Variants in PDE4B observed in about 807,000 individuals in gnomAD.
PDE4B encodes the protein 3',5'-cyclic-AMP phosphodiesterase 4B.
A neutral mutation model predicts 82.2 loss-of-function variants in PDE4B; 20 were observed. The observed-to-expected ratio is 0.24, with a 90% CI of 0.17 to 0.35. The LOEUF (loss-of-function observed/expected upper bound fraction) is 0.35. PDE4B is among the 10% of genes least tolerant of loss of function. The probability of loss-of-function intolerance (pLI) is 1.00; values close to 1 mark genes in which losing one functional copy is unlikely to be tolerated. For synonymous variants in PDE4B, 320 were observed against 318.9 expected, an observed-to-expected ratio of 1.00 and a Z score of -0.04; for missense variants, 655 against 907.2, an observed-to-expected ratio of 0.72 and a Z score of 3.57.
At chr1:66,316,163 A>G (rs1407134556) in intron 7 of PDE4B, among the ~76,000 whole-genome samples, 4 of 152,222 alleles carry the variant, frequency 2.6e-5, no homozygotes, top group Admixed American at 6.5e-5. Flanking sequence ...AATTAAAGCA[A>G]TCACCCAGCA....
At chr1:65,884,979 T>C (rs1646755020) in intron 1 of PDE4B, among the ~76,000 whole-genome samples, 1 of 152,048 alleles carries the variant, frequency 6.6e-6, no homozygotes, top group Admixed American at 6.6e-5. Context: ...AGGGCTAATA[T>C]CCAGAATCTA....
chr1:66,093,852 A>C (rs1172022861), intron 3 of PDE4B, among the ~76,000 whole-genome samples: 1 of 152,098 alleles, frequency 6.6e-6, no homozygotes, highest in Admixed American at 6.6e-5. Flanking sequence ...TATGCCGCTC[A>C]TATCATTAAG....
Position 66,081,807 on chromosome 1 carries a change from A to ACT in PDE4B, c.281+162997_281+162998dup, listed in dbSNP as rs72513051. On this transcript the variant is annotated intron_variant, in intron 3 of 16. Coordinates refer to ENST00000341517, the MANE Select transcript of PDE4B (RefSeq NM_002600.4). ...ATTCTACACGGGAGTGAAAAGTAAA[A>ACT]CTCTCTCTCTCTCTCTCTCTCTCTC... Among the ~76,000 whole-genome samples the ACT allele has an allele frequency of 3.0e-3, 423 of 140,908 alleles. 2 individuals carry two copies. The highest frequency in any genetic ancestry group is 9.7e-3 in the African/African-American group (367 of 37,850). The allele number at this position is 140,908 out of a possible 152,430, so 92.4% of individuals were successfully genotyped here.
intron 4 of PDE4B, among the ~76,000 whole-genome samples, chr1:66,254,447 G>T (rs747335593): frequency 6.6e-6 from 1 of 151,854 alleles, no homozygotes; most frequent in Non-Finnish European, 1.5e-5. Flanking sequence ...CTCTTCCTTT[G>T]GCTCCCTATT....
chr1:66,281,207 A>G (rs1208453550), intron 7 of PDE4B, among the ~76,000 whole-genome samples: 1 of 152,266 alleles, frequency 6.6e-6, no homozygotes, highest in Non-Finnish European at 1.5e-5. Flanking sequence ...ACATGCTTCT[A>G]CAATTCCCTT....
chr1:65,823,257 G>A (rs1002021061), intron 1 of PDE4B, among the ~76,000 whole-genome samples: 1 of 151,886 alleles, frequency 6.6e-6, no homozygotes, highest in African/African-American at 2.4e-5. Flanking sequence ...TTTGCTGGGT[G>A]TGGTGGTGTG....
intron 3 of PDE4B, among the ~76,000 whole-genome samples, chr1:65,978,610 TTAC>T (rs1316963380): frequency 6.6e-6 from 1 of 152,218 alleles, no homozygotes; most frequent in Non-Finnish European, 1.5e-5. Context: ...TCTTTATATA[TTAC>T]TGTATTTTTG....
At chr1:65,992,808 A>G (rs2100681852) in intron 3 of PDE4B, 1 of 1,460,910 alleles carries the variant, frequency 6.8e-7, no homozygotes, top group Non-Finnish European at 9.0e-7. Flanking sequence ...TAAACTGGAA[A>G]TAGTTTGCAG....
chr1:66,098,263 A>G (rs1398400913), intron 3 of PDE4B, among the ~76,000 whole-genome samples: 2 of 152,152 alleles, frequency 1.3e-5, no homozygotes, highest in Admixed American at 6.6e-5. Flanking sequence ...TCTTGCAATT[A>G]TAGCCATTTG....
At chr1:65,987,842 C>A (rs1030870182) in intron 3 of PDE4B, among the ~76,000 whole-genome samples, 1 of 152,124 alleles carries the variant, frequency 6.6e-6, no homozygotes. Flanking sequence ...CTGAACCCCC[C>A]ACATCAGGTG....
chr1:66,140,841 A>T (rs1646156354), intron 3 of PDE4B, among the ~76,000 whole-genome samples: 1 of 152,232 alleles, frequency 6.6e-6, no homozygotes, highest in African/African-American at 2.4e-5. Flanking sequence ...ATGATTTCAC[A>T]TACATTTTTG....
chr1:65,965,492 T>A, intron 3 of PDE4B, among the ~76,000 whole-genome samples: 1 of 147,894 alleles, frequency 6.8e-6, no homozygotes, highest in East Asian at 2.0e-4. Flanking sequence ...TATTAAACAG[T>A]GGTGAACAGT....
chr1:66,220,763 G>A (rs546088669), intron 3 of PDE4B, among the ~76,000 whole-genome samples: 34 of 152,240 alleles, frequency 2.2e-4, no homozygotes, highest in South Asian at 4.1e-4. Flanking sequence ...GTTGCTGAGA[G>A]CTTTCTGGAG....
At position 66,162,383 on chromosome 1, in the gene PDE4B, C is replaced by T. The variant is rs531714091; in HGVS notation, c.282-85077C>T. ...ATAGCATCTAATCTGTGACTTCCAG[C>T]GAAGGGAAAGAGTCAATTCCATACT... On this transcript the variant is annotated intron_variant, in intron 3 of 16. Coordinates refer to ENST00000341517, the MANE Select transcript of PDE4B (RefSeq NM_002600.4). 5.3e-5 allele frequency among the ~76,000 whole-genome samples: 7 copies of T among 132,672 alleles called. No individual in the cohort carries two copies. The East Asian group carries it at 1.1e-3, about 22-fold the overall frequency. 87.0% of individuals were successfully genotyped at this position (132,672 alleles called of 152,430 possible).
intron 7 of PDE4B, among the ~76,000 whole-genome samples, chr1:66,322,295 CA>C (rs1297129397): frequency 2.0e-5 from 3 of 152,124 alleles, no homozygotes; most frequent in Non-Finnish European, 2.9e-5. Context: ...GCAATGGCAA[CA>C]AATGCCAAAA....
At chr1:66,038,922 A>T (rs760212614) in intron 3 of PDE4B, among the ~76,000 whole-genome samples, 16 of 152,000 alleles carry the variant, frequency 1.1e-4, no homozygotes, top group Non-Finnish European at 1.8e-4. Flanking sequence ...TATTTTTTTT[A>T]AAACAAAATG....
rs565702176 is a variant in PDE4B at position 65,904,038 on chromosome 1, T to G, written c.-70-9207T>G. On this transcript the variant is annotated intron_variant, in intron 1 of 16. Transcript: ENST00000341517. ...TTCTGAGAAAGGAATGCACAGAAAT[T>G]TTGTGTGCTTGCTTGCTTAAAACAA... 6.6e-4 allele frequency among the ~76,000 whole-genome samples: 101 copies of G among 152,304 alleles called. 2 individuals are homozygous for G. The highest frequency in any genetic ancestry group is 2.0e-3 in the African/African-American group (85 of 41,572).
chr1:66,233,060 A>G (rs12031327), intron 3 of PDE4B, among the ~76,000 whole-genome samples: 4,299 of 152,298 alleles, frequency 0.028, 191 homozygotes, highest in East Asian at 0.24. Context: ...TTATGAAGCT[A>G]TCATTACATT....
rs373483384 is a variant in PDE4B, at chr1:65,879,013, G to C, written c.-70-34232G>C. On this transcript the variant is annotated intron_variant, in intron 1 of 16. Transcript: ENST00000341517. The stretch of plus-strand genomic sequence containing the variant: ...TCTAAAGTCTTTACATAGTTATCTT[G>C]ATGTCTACTTTATGCAAAATTTTAT... Among the ~76,000 whole-genome samples, 184 of 152,214 alleles carry C rather than the reference G, an allele frequency of 1.2e-3. 1 individual carries two copies. Among genetic ancestry groups the C allele is most frequent in the African/African-American group, 4.1e-3 (170 of 41,546 alleles).
Sources: gnomAD v4.1 joint callset for allele counts (sites outside exome capture counted in the v4.1 genomes callset) on GRCh38, gnomAD v4.1.1 for gene constraint, MANE v1.5 for transcripts, NCBI Gene and HGNC (gene_info 2026-07-23, HGNC 2026-07-21) for gene names.